Variants in SAMMSON observed in about 807,000 individuals in gnomAD.
The protein encoded by SAMMSON is long intergenic non-protein coding RNA 1212.
intron 3 of SAMMSON, among the ~76,000 whole-genome samples, chr3:70,023,270 C>A (rs922989196): frequency 6.6e-6 from 1 of 151,504 alleles, no homozygotes; most frequent in Non-Finnish European, 1.5e-5. Flanking sequence ...TCCTGGCTAA[C>A]AAAGCGAAAC....
At chr3:70,374,323 G>A (rs1042704641) in intron 9 of SAMMSON, among the ~76,000 whole-genome samples, 11 of 152,004 alleles carry the variant, frequency 7.2e-5, no homozygotes, top group African/African-American at 2.2e-4. Context: ...CCTTGTTCTT[G>A]GTATGATGAG....
intron 4 of SAMMSON, among the ~76,000 whole-genome samples, chr3:70,144,838 A>G (rs1207187798): frequency 1.3e-5 from 2 of 152,178 alleles, no homozygotes; most frequent in Admixed American, 1.3e-4. Flanking sequence ...TGCCTCTGCC[A>G]TGATTGTGAG....
At chr3:70,277,499 A>G (rs1338883798) in intron 6 of SAMMSON, among the ~76,000 whole-genome samples, 2 of 152,328 alleles carry the variant, frequency 1.3e-5, no homozygotes, top group South Asian at 2.1e-4. Context: ...AGAATAAGCC[A>G]TAAAAGCTGA....
At chr3:70,143,815 C>A (rs972717349) in intron 4 of SAMMSON, among the ~76,000 whole-genome samples, 3 of 152,100 alleles carry the variant, frequency 2.0e-5, no homozygotes, top group South Asian at 2.1e-4. Context: ...TAAATAATTT[C>A]TTTTCAACTC....
intron 9 of SAMMSON, among the ~76,000 whole-genome samples, chr3:70,378,342 G>C (rs1473130294): frequency 2.0e-5 from 3 of 151,838 alleles, no homozygotes; most frequent in Non-Finnish European, 4.4e-5. Flanking sequence ...TGTTGAGTGG[G>C]AAAAGCTAGC....
chr3:70,220,356 A>G (rs757304694), intron 4 of SAMMSON, among the ~76,000 whole-genome samples: 2 of 152,074 alleles, frequency 1.3e-5, no homozygotes, highest in Non-Finnish European at 2.9e-5. Flanking sequence ...ACTTGGCTCC[A>G]GGAGTTTGAA....
chr3:70,278,630 T>C (rs948411583), intron 6 of SAMMSON, among the ~76,000 whole-genome samples: 1 of 152,172 alleles, frequency 6.6e-6, no homozygotes, highest in Non-Finnish European at 1.5e-5. Context: ...ACAGAAAATA[T>C]ACTTGGCTCT....
At chr3:70,313,852 G>A (rs1302309326) in intron 7 of SAMMSON, among the ~76,000 whole-genome samples, 1 of 151,960 alleles carries the variant, frequency 6.6e-6, no homozygotes, top group Non-Finnish European at 1.5e-5. Flanking sequence ...TCCTTAGATG[G>A]GTAAGGAAGA....
intron 4 of SAMMSON, among the ~76,000 whole-genome samples, chr3:70,156,119 T>A (rs2067590923): frequency 6.6e-6 from 1 of 151,962 alleles, no homozygotes; most frequent in Non-Finnish European, 1.5e-5. Context: ...CAAGTTTAAT[T>A]TACTAAGTCC....
intron 3 of SAMMSON, among the ~76,000 whole-genome samples, chr3:70,056,783 A>G (rs867381039): frequency 6.6e-6 from 1 of 152,008 alleles, no homozygotes; most frequent in Non-Finnish European, 1.5e-5. Context: ...CCTAATCCAG[A>G]TACTCTTTCC....
chr3:70,233,081 T>C lies in SAMMSON; in HGVS notation n.508-16026T>C, dbSNP rs1430471565. ...GCATGCGCCTGTGGTCTCAGCTAATTGGGAGGCTGAGGCACAAGAATCGCT... is the reference window on the plus strand; with the variant it reads ...GCATGCGCCTGTGGTCTCAGCTAATCGGGAGGCTGAGGCACAAGAATCGCT... On this transcript the variant is annotated intron_variant and non_coding_transcript_variant, in intron 4 of 9. Coordinates refer to ENST00000642114, the Ensembl canonical transcript of SAMMSON. Among the ~76,000 whole-genome samples the C allele has an allele frequency of 1.2e-4, 18 of 152,166 alleles. No individual in the cohort carries two copies. In the South Asian group the frequency reaches 2.7e-3, roughly 23 times the overall value.
chr3:70,264,896 C>A (rs143337209), intron 6 of SAMMSON, among the ~76,000 whole-genome samples: 2 of 152,080 alleles, frequency 1.3e-5, no homozygotes, highest in South Asian at 4.2e-4. Flanking sequence ...ACAGGAAAGA[C>A]GATTAATTGA....
chr3:70,161,604 G>A (rs1158409838), intron 4 of SAMMSON, among the ~76,000 whole-genome samples: 3 of 151,812 alleles, frequency 2.0e-5, no homozygotes, highest in Non-Finnish European at 2.9e-5. Flanking sequence ...ATATTCATGA[G>A]GGATATTGGT....
intron 4 of SAMMSON, among the ~76,000 whole-genome samples, chr3:70,138,716 AAAG>A (rs1559521603): frequency 6.6e-6 from 1 of 152,214 alleles, no homozygotes; most frequent in African/African-American, 2.4e-5. Context: ...TTTAAAGTCC[AAAG>A]TCCTATCTAA....
rs186708761 is a variant in SAMMSON at position 70,377,870 on chromosome 3, T to C, written n.914-11704T>C. 5.3e-5 allele frequency among the ~76,000 whole-genome samples: 8 copies of C among 152,138 alleles called. No individual in the cohort carries two copies. In the South Asian group the frequency reaches 1.5e-3, roughly 28 times the overall value. On this transcript the variant is annotated intron_variant and non_coding_transcript_variant, in intron 9 of 9. Coordinates refer to ENST00000642114, the Ensembl canonical transcript of SAMMSON. ...GAAATTCAAAAGGCTAATAAACACA[T>C]GAAGGAATTCTTTATTTCATTAATA...
At chr3:70,113,661 C>T (rs999713540) in intron 4 of SAMMSON, among the ~76,000 whole-genome samples, 2 of 152,238 alleles carry the variant, frequency 1.3e-5, no homozygotes, top group African/African-American at 4.8e-5. Context: ...ACTGACATGT[C>T]GAAACAAATG....
chr3:70,214,353 G>A (rs535909265), intron 4 of SAMMSON, among the ~76,000 whole-genome samples: 6 of 152,140 alleles, frequency 3.9e-5, no homozygotes, highest in East Asian at 1.9e-4. Context: ...CTCAAGAAAC[G>A]TTAGATGAAA....
chr3:70,025,270 G>T (rs1303430587), intron 3 of SAMMSON: 1 of 152,004 alleles, frequency 6.6e-6, no homozygotes, highest in Admixed American at 6.6e-5. Flanking sequence ...TTGAGATGGA[G>T]TTTCATTCTT....
chr3:70,362,078 G>T (rs978025586), intron 9 of SAMMSON, among the ~76,000 whole-genome samples: 19 of 152,104 alleles, frequency 1.2e-4, no homozygotes, highest in Non-Finnish European at 2.4e-4. Context: ...TTACAATTCT[G>T]TGTTAAATGC....
Sources: gnomAD v4.1 joint callset for allele counts (sites outside exome capture counted in the v4.1 genomes callset) on GRCh38, gnomAD v4.1.1 for gene constraint, MANE v1.5 for transcripts, NCBI Gene and HGNC (gene_info 2026-07-23, HGNC 2026-07-21) for gene names.